The following SGCZ variants were observed in gnomAD, a reference collection of about 807,000 sequenced individuals.
The protein encoded by SGCZ is sarcoglycan zeta.
SGCZ carries 40 observed loss-of-function variants against 41.3 expected under a neutral mutation model. The observed-to-expected ratio is 0.97, with a 90% CI of 0.75 to 1.26. The LOEUF is 1.26. Among genes scored for constraint, SGCZ ranks in the 50% most tolerant of loss-of-function variants. SGCZ has a pLI of 0.00. For missense variants in SGCZ, 552 were observed against 369.8 expected, an observed-to-expected ratio of 1.49 and a Z score of -4.04; for synonymous variants, 206 against 137.5, an observed-to-expected ratio of 1.50 and a Z score of -3.49.
At chr8:14,424,763 T>G (rs1378630278) in intron 2 of SGCZ, among the ~76,000 whole-genome samples, 1 of 152,220 alleles carries the variant, frequency 6.6e-6, no homozygotes, top group Non-Finnish European at 1.5e-5. Flanking sequence ...TCTAATACAA[T>G]GAAAGACAAT....
chr8:15,157,381 T>C (rs1282017944), intron 1 of SGCZ, among the ~76,000 whole-genome samples: 1 of 151,330 alleles, frequency 6.6e-6, no homozygotes, highest in African/African-American at 2.4e-5. Flanking sequence ...ATTACGCCAC[T>C]GTACTCTAGG....
intron 1 of SGCZ, among the ~76,000 whole-genome samples, chr8:15,008,046 T>G (rs1222076382): frequency 6.6e-6 from 1 of 152,196 alleles, no homozygotes; most frequent in Admixed American, 6.5e-5. Flanking sequence ...CTCTGTATTT[T>G]CTGATTTTCT....
intron 3 of SGCZ, among the ~76,000 whole-genome samples, chr8:14,285,368 A>G (rs975834283): frequency 6.6e-6 from 1 of 152,110 alleles, no homozygotes; most frequent in African/African-American, 2.4e-5. Context: ...TTCTAAGAAC[A>G]AGAGATTACT....
intron 1 of SGCZ, among the ~76,000 whole-genome samples, chr8:14,846,148 A>C (rs538655906): frequency 6.6e-6 from 1 of 152,226 alleles, no homozygotes; most frequent in African/African-American, 2.4e-5. Flanking sequence ...TAGTCAGTAC[A>C]TAACAGACCA....
chr8:14,625,438 A>G (rs943912046), intron 1 of SGCZ, among the ~76,000 whole-genome samples: 9 of 152,124 alleles, frequency 5.9e-5, no homozygotes, highest in African/African-American at 2.2e-4. Context: ...TTTATGATAC[A>G]TTGTTTTACC....
intron 1 of SGCZ, among the ~76,000 whole-genome samples, chr8:14,610,815 C>G (rs1223524158): frequency 1.3e-5 from 2 of 152,144 alleles, no homozygotes. Flanking sequence ...CACACAGATA[C>G]TTCATCTTCA....
intron 4 of SGCZ, among the ~76,000 whole-genome samples, chr8:14,170,169 A>C (rs1365024521): frequency 6.7e-6 from 1 of 148,380 alleles, no homozygotes; most frequent in Non-Finnish European, 1.5e-5. Flanking sequence ...CACTTTCAAC[A>C]ATCACTGCAT....
At chr8:14,542,695 A>T (rs1803507004) in intron 2 of SGCZ, among the ~76,000 whole-genome samples, 1 of 151,992 alleles carries the variant, frequency 6.6e-6, no homozygotes. Context: ...TCTCTCCATT[A>T]ATTAGGATAA....
intron 2 of SGCZ, among the ~76,000 whole-genome samples, chr8:14,362,852 C>A (rs777607220): frequency 2.6e-4 from 40 of 152,176 alleles, no homozygotes; most frequent in Non-Finnish European, 4.7e-4. Flanking sequence ...ATTCCTTATA[C>A]ACAGAAACTT....
intron 2 of SGCZ, among the ~76,000 whole-genome samples, chr8:14,366,848 T>C (rs1029211525): frequency 1.3e-5 from 2 of 152,138 alleles, no homozygotes; most frequent in African/African-American, 4.8e-5. Context: ...CAAAACCTTT[T>C]TTCCCTCCTA....
intron 1 of SGCZ, 117 bp downstream of exon 1, chr8:15,237,468 C>T (rs1802172264): frequency 1.6e-6 from 2 of 1,272,432 alleles, no homozygotes; most frequent in African/African-American, 3.0e-5. Context: ...CCAACGCCCC[C>T]TCGTCGTCCC....
intron 2 of SGCZ, among the ~76,000 whole-genome samples, chr8:14,359,964 T>G (rs921314281): frequency 6.6e-6 from 1 of 152,188 alleles, no homozygotes; most frequent in African/African-American, 2.4e-5. Flanking sequence ...GTTCAACATA[T>G]GCAAATGAAT....
intron 1 of SGCZ, among the ~76,000 whole-genome samples, chr8:15,235,344 T>A (rs913051435): frequency 6.6e-6 from 1 of 152,218 alleles, no homozygotes; most frequent in Non-Finnish European, 1.5e-5. Context: ...ATCTCAAACA[T>A]TTTCTAATAA....
At chr8:14,271,849 T>A (rs1800071934) in intron 3 of SGCZ, among the ~76,000 whole-genome samples, 1 of 152,180 alleles carries the variant, frequency 6.6e-6, no homozygotes, top group Non-Finnish European at 1.5e-5. Flanking sequence ...AAAGCCTCGA[T>A]CTCAGCTTTA....
intron 1 of SGCZ, among the ~76,000 whole-genome samples, chr8:15,141,798 G>T (rs1808330273): frequency 1.3e-5 from 2 of 152,100 alleles, no homozygotes; most frequent in South Asian, 4.1e-4. Context: ...CTACTCAGGA[G>T]GCTGAGGCAG....
chr8:14,867,962 G>C (rs917699332), intron 1 of SGCZ, among the ~76,000 whole-genome samples: 2 of 149,978 alleles, frequency 1.3e-5, no homozygotes, highest in Admixed American at 6.7e-5. Flanking sequence ...GAAAAATTTT[G>C]TGGGAAAAAC....
chr8:14,656,601 C>A (rs1174750946), intron 1 of SGCZ, among the ~76,000 whole-genome samples: 1 of 99,816 alleles, frequency 1.0e-5, no homozygotes, highest in Non-Finnish European at 2.4e-5. Context: ...CTCTCCTCTC[C>A]TCTCCCTCTC....
intron 1 of SGCZ, among the ~76,000 whole-genome samples, chr8:14,639,523 T>C (rs1247210257): frequency 4.6e-5 from 7 of 151,754 alleles, no homozygotes; most frequent in African/African-American, 1.7e-4. Context: ...GATTTCAAAA[T>C]ATAACACAGA....
chr8:14,458,852 C>T (rs62499708), intron 2 of SGCZ, among the ~76,000 whole-genome samples: 2,997 of 152,194 alleles, frequency 0.02, 66 homozygotes, highest in African/African-American at 0.049. Flanking sequence ...AACAAACAAA[C>T]AAACAACACC....
Sources: gnomAD v4.1 joint callset for allele counts (sites outside exome capture counted in the v4.1 genomes callset) on GRCh38, gnomAD v4.1.1 for gene constraint, MANE v1.5 for transcripts, NCBI Gene and HGNC (gene_info 2026-07-23, HGNC 2026-07-21) for gene names.